Variants in SBNO2 observed in about 807,000 individuals in gnomAD.
SBNO2 encodes strawberry notch homolog 2.
Under a neutral mutation model 146.3 loss-of-function variants are expected in SBNO2, and 89 were observed. That is an observed-to-expected ratio of 0.61 (90% confidence interval 0.51 to 0.73). The LOEUF (loss-of-function observed/expected upper bound fraction) is 0.73. Among genes scored for constraint, SBNO2 ranks in the 30% least tolerant of loss-of-function variants. The probability of loss-of-function intolerance (pLI) is 0.00; values close to 1 mark genes in which losing one functional copy is unlikely to be tolerated. For missense variants in SBNO2, 2,092 were observed against 2,003.7 expected, an observed-to-expected ratio of 1.04 and a Z score of -0.84; for synonymous variants, 1,147 against 892.6, an observed-to-expected ratio of 1.29 and a Z score of -5.08.
intron 1 of SBNO2, among the ~76,000 whole-genome samples, chr19:1,159,176 C>T (rs1355527931): frequency 1.3e-5 from 2 of 150,838 alleles, no homozygotes; most frequent in African/African-American, 2.5e-5. Context: ...GCACAACTCG[C>T]ATCCTAGGAC....
chr19:1,123,779 G>T, intron 6 of SBNO2, 140 bp from the exon 7 acceptor site: 1 of 1,078,692 alleles, frequency 9.3e-7, no homozygotes, highest in Non-Finnish European at 1.3e-6. Flanking sequence ...TGCCCCTGCA[G>T]CAAGGTGCTC....
rs1012196163 is a variant in SBNO2, at chr19:1,158,341, G to A, written c.-126-3939C>T. ...CTCGCCGAGCAGGGTTGTGACCCCC[G>A]CACTTTCGGATGTGGACACGGAGGC... On this transcript the variant is annotated intron_variant, in intron 1 of 31. Coordinates refer to ENST00000361757, the MANE Select transcript of SBNO2 (RefSeq NM_014963.3). This position sits in a 1 kb window ranked among gnomAD's most constrained non-coding sequence, Gnocchi z 9.9. 6.6e-6 allele frequency among the ~76,000 whole-genome samples: 1 copy of A among 152,158 alleles called. No homozygotes were observed. The highest frequency in any genetic ancestry group is 2.4e-5 in the African/African-American group (1 of 41,430).
chr19:1,156,733 G>A (rs1054582136), intron 1 of SBNO2, among the ~76,000 whole-genome samples: 7 of 152,168 alleles, frequency 4.6e-5, no homozygotes, highest in African/African-American at 1.7e-4. Context: ...CACGCTCTGT[G>A]AGAGACGCCA....
At chr19:1,132,103 T>C in intron 4 of SBNO2, 1 of 1,541,248 alleles carries the variant, frequency 6.5e-7, no homozygotes, top group Non-Finnish European at 8.7e-7. Context: ...GTTCAGAGCC[T>C]CAAACTGCAG....
intron 1 of SBNO2, among the ~76,000 whole-genome samples, chr19:1,164,521 G>C (rs1319947861): frequency 9.8e-6 from 1 of 102,356 alleles, no homozygotes; most frequent in Non-Finnish European, 2.1e-5. Context: ...GGAGGAGGAG[G>C]AACAGGAGGA....
At position 1,112,973 on chromosome 19, in the gene SBNO2, C is replaced by G. The variant is rs550783342; in HGVS notation, c.2248-24G>C. On this transcript the variant is annotated intron_variant, in intron 19 of 31. Transcript: ENST00000361757. This position sits in a 1 kb window ranked among gnomAD's most constrained non-coding sequence, Gnocchi z 5.9. ...ATCTGCAGCCGAGACAGGGACAAAA[C>G]CGGCCGTCAGTGTTGTGGCCTCGCA... is the stretch of plus-strand genomic sequence containing the variant. 10 of 1,544,900 alleles carry G rather than the reference C, an allele frequency of 6.5e-6. No homozygotes were observed. In the South Asian group the frequency reaches 1.1e-4, roughly 17 times the overall value.
chr19:1,108,661 C>A lies in SBNO2; in HGVS notation c.3660G>T (p.Glu1220Asp). The change falls in exon 32 of 32, where the codon GAG becomes GAT. Residue 1220 changes from glutamate to aspartate, a missense_variant. By Grantham distance (45) the Glu-to-Asp change is conservative. Coordinates refer to ENST00000361757, the MANE Select transcript of SBNO2 (RefSeq NM_014963.3). ...PEGCVRRVLQ[E>D]LRLMDADVKR... Reference sequence around the variant, plus strand: ...TCACGTCCGCATCCATCAGCCGCAGCTCCTGCAGCACCCGGCGCACGCAGC... The same window carrying A: ...TCACGTCCGCATCCATCAGCCGCAGATCCTGCAGCACCCGGCGCACGCAGC... 4 of 1,524,090 alleles carry A rather than the reference C, an allele frequency of 2.6e-6. No individual in the cohort carries two copies. The highest frequency in any genetic ancestry group is 3.5e-6 in the Non-Finnish European group (4 of 1,143,634). 94.4% of individuals were successfully genotyped at this position (1,524,090 alleles called of 1,614,324 possible).
At chr19:1,152,622 C>CAGGGACCCTGCTACGAGAG (rs2080253278) in intron 2 of SBNO2, among the ~76,000 whole-genome samples, 1 of 152,172 alleles carries the variant, frequency 6.6e-6, no homozygotes, top group African/African-American at 2.4e-5. Flanking sequence ...TGGGCCGCAA[C>CAGGGACCCTGCTACGAGAG]AGGGACCCTG....
intron 16 of SBNO2, 49 bp downstream of exon 16, chr19:1,116,780 G>C: frequency 2.0e-6 from 3 of 1,475,880 alleles, no homozygotes; most frequent in Non-Finnish European, 2.8e-6. Context: ...AGAGAGGGGT[G>C]GCCATGAGCG....
chr19:1,119,295 G>C, intron 13 of SBNO2, 131 bp from the exon 14 acceptor site: 1 of 1,170,880 alleles, frequency 8.5e-7, no homozygotes, highest in Non-Finnish European at 1.2e-6. Flanking sequence ...CACTGAGGCA[G>C]TTGGCAGCTG....
chr19:1,151,246 G>A (rs1445038757), intron 2 of SBNO2, among the ~76,000 whole-genome samples: 4 of 152,212 alleles, frequency 2.6e-5, no homozygotes, highest in Admixed American at 6.5e-5. Flanking sequence ...CACACACGGC[G>A]CCTTGGGCCA....
chr19:1,111,681 T>TACC, intron 23 of SBNO2, 67 bp from the exon 24 acceptor site: 1 of 1,225,608 alleles, frequency 8.2e-7, no homozygotes, highest in Non-Finnish European at 1.2e-6. Flanking sequence ...GACCCCTGCC[T>TACC]CCCCAGAACC....
At chr19:1,124,631 C>G (rs886989) in intron 5 of SBNO2, among the ~76,000 whole-genome samples, 74,870 of 152,094 alleles carry the variant, frequency 0.49, 18,656 homozygotes, top group Admixed American at 0.55. Context: ...GAGGGCAGCA[C>G]CTCCTCTGTG....
chr19:1,140,991 T>C lies in SBNO2; in HGVS notation c.279+6318A>G, dbSNP rs1176851222. On this transcript the variant is annotated intron_variant, in intron 4 of 31. Coordinates refer to ENST00000361757, the MANE Select transcript of SBNO2 (RefSeq NM_014963.3). This position sits in a 1 kb window ranked among gnomAD's most constrained non-coding sequence, Gnocchi z 4.4. Reference sequence around the variant, plus strand: ...AGACAAAACCAACGGAGAGGCACTCTGGAGAAGACACACCCTGGAGAAGAC... The same window carrying C: ...AGACAAAACCAACGGAGAGGCACTCCGGAGAAGACACACCCTGGAGAAGAC... Among the ~76,000 whole-genome samples, 1 of 151,506 alleles carries C rather than the reference T, an allele frequency of 6.6e-6. No individual in the cohort carries two copies.
intron 1 of SBNO2, among the ~76,000 whole-genome samples, chr19:1,165,868 CCCCAGACCCCAGAT>C (rs1346980057): frequency 4.6e-4 from 14 of 30,658 alleles, no homozygotes; most frequent in African/African-American, 1.4e-3. Context: ...AGATCCCAGA[CCCCAGACCCCAGAT>C]CCCAGACCCC....
At position 1,158,931 on chromosome 19, in the gene SBNO2, A is replaced by G. The variant is rs893284971; in HGVS notation, c.-126-4529T>C. 6.7e-6 allele frequency among the ~76,000 whole-genome samples: 1 copy of G among 148,560 alleles called. No homozygotes were observed. Among genetic ancestry groups the G allele is most frequent in the African/African-American group, 2.5e-5 (1 of 39,832 alleles). ...CACCTGCAGCCGTGACCCCACCTGC[A>G]GCCGCGACCCCACCTGCAGCCGTGA... is the stretch of plus-strand genomic sequence containing the variant. On this transcript the variant is annotated intron_variant, in intron 1 of 31. Transcript: ENST00000361757. The surrounding 1 kb of genome is among the most constrained non-coding windows in gnomAD (Gnocchi z 9.9).
rs369756119 is a variant in SBNO2 at position 1,122,486 on chromosome 19, C to G, written c.987G>C (p.Ala329=). The change falls in exon 10 of 32, where the codon GCG becomes GCC. Residue 329 remains alanine (A), a synonymous_variant. Coordinates refer to ENST00000361757, the MANE Select transcript of SBNO2 (RefSeq NM_014963.3). ...DLRDIEATGI[A]VHALSKIKYG... ...CCCCTACCTTGCTGAGCGCGTGCACCGCGATGCCCGTGGCTTCGATGTCCC... is the reference window on the plus strand; with the variant it reads ...CCCCTACCTTGCTGAGCGCGTGCACGGCGATGCCCGTGGCTTCGATGTCCC... 6.4e-7 allele frequency: 1 copy of G among 1,573,482 alleles called. No individual in the cohort carries two copies. The highest frequency in any genetic ancestry group is 1.8e-5 in the Admixed American group (1 of 55,260).
intron 4 of SBNO2, among the ~76,000 whole-genome samples, chr19:1,141,450 G>A (rs1254261661): frequency 6.6e-6 from 1 of 152,040 alleles, no homozygotes; most frequent in Non-Finnish European, 1.5e-5. Flanking sequence ...CCTAAGCTCA[G>A]GTGATCTGCC....
chr19:1,151,310 C>A (rs2080240281), intron 2 of SBNO2, among the ~76,000 whole-genome samples: 1 of 151,860 alleles, frequency 6.6e-6, no homozygotes, highest in African/African-American at 2.4e-5. Flanking sequence ...GGGCGGGGGG[C>A]TTGGGGTCGC....
Sources: gnomAD v4.1 joint callset for allele counts (sites outside exome capture counted in the v4.1 genomes callset) on GRCh38, gnomAD v4.1.1 for gene constraint, Gnocchi (gnomAD v3.1) non-coding constraint, MANE v1.5 for transcripts, NCBI Gene and HGNC (gene_info 2026-07-23, HGNC 2026-07-21) for gene names.